Variants in RALGDS observed in about 807,000 individuals in gnomAD.
RALGDS encodes ral guanine nucleotide dissociation stimulator.
In RALGDS, 44 loss-of-function variants were observed where a neutral mutation model predicts 99.8. The ratio of observed to expected loss-of-function variants is 0.44; its 90% CI spans 0.35 to 0.57. RALGDS has a LOEUF of 0.57. Among genes scored for constraint, RALGDS ranks in the 20% least tolerant of loss-of-function variants. RALGDS has a pLI of 0.01. For missense variants in RALGDS, 1,022 were observed against 1,203.1 expected (o/e 0.85, Z 2.23); for synonymous variants, 529 against 505.0 (o/e 1.05, Z -0.64).
At chr9:133,127,366 G>A (rs1163704998) in intron 1 of RALGDS, among the ~76,000 whole-genome samples, 2 of 152,276 alleles carry the variant, frequency 1.3e-5, no homozygotes, top group African/African-American at 4.8e-5. Flanking sequence ...CGGGAGGAAT[G>A]GCAGCCAGGT....
intron 2 of RALGDS, 142 bp from the exon 3 acceptor site, chr9:133,110,631 AAGT>A (rs1457908931): frequency 6.3e-6 from 5 of 790,536 alleles, no homozygotes; most frequent in Non-Finnish European, 8.5e-6. Context: ...TCAGCTTTAA[AAGT>A]AGAATTTCAG....
In RALGDS at chr9:133,102,559, C is replaced by G. The variant is rs540478696; in HGVS notation, c.1926G>C (p.Ser642=). Residue 642 remains serine, a synonymous_variant, in exon 14 of 18, where the codon TCG becomes TCC. Transcript: ENST00000372050. ...RLSETESYNL[S]CELEPPSESA... ...ACTCGGATGGGGGCTCCAGCTCGCA[C>G]GACAGGTTGTAGCTATGAGCAGAGG... 1.2e-6 allele frequency: 2 copies of G among 1,614,034 alleles called. No individual in the cohort carries two copies. The highest frequency in any genetic ancestry group is 3.3e-5 in the Admixed American group (2 of 60,032).
chr9:133,106,064 G>A (rs1483051285), intron 8 of RALGDS, 48 bp from the exon 9 acceptor site: 1 of 1,452,226 alleles, frequency 6.9e-7, no homozygotes, highest in Admixed American at 1.7e-5. Flanking sequence ...ATGGTAGGGA[G>A]GGGTGTGAGT....
intron 1 of RALGDS, among the ~76,000 whole-genome samples, chr9:133,139,368 T>C (rs1044838041): frequency 6.6e-6 from 1 of 151,966 alleles, no homozygotes; most frequent in Admixed American, 6.5e-5. Context: ...CCTCATGGAG[T>C]CCTGAAGAAC....
chr9:133,135,233 G>A (rs376672957), upstream of RALGDS, among the ~76,000 whole-genome samples: 4 of 152,318 alleles, frequency 2.6e-5, no homozygotes, highest in South Asian at 6.2e-4. Context: ...CACCTGCCAA[G>A]GCATGTGGAA....
At position 133,098,268 on chromosome 9, in the gene RALGDS, G is replaced by T; in HGVS notation, c.*319C>A. On this transcript the variant is annotated 3_prime_UTR_variant, in exon 18 of 18. Coordinates refer to ENST00000372050, the MANE Select transcript of RALGDS (RefSeq NM_006266.4). ...GGCAGTGACCCACACCTGGGAAGGT[G>T]TCAGGGAAGTGTACAGAGGTGGCGC... 2.2e-6 allele frequency: 1 copy of T among 451,980 alleles called. No individual in the cohort carries two copies. The highest frequency in any genetic ancestry group is 4.1e-6 in the Non-Finnish European group (1 of 242,598). The allele number at this position is 451,980 out of a possible 1,614,324, so 28.0% of individuals were successfully genotyped here. A position where few individuals can be genotyped will look rare whatever the true frequency, so the allele number is the denominator to read the frequency against.
intron 10 of RALGDS, 34 bp from the exon 11 acceptor site, chr9:133,103,867 C>T (rs1830881625): frequency 1.9e-6 from 3 of 1,593,716 alleles, no homozygotes; most frequent in African/African-American, 2.7e-5. Context: ...GAGCAAGGCC[C>T]CTCCCCTGAA....
chr9:133,106,155 C>A, intron 8 of RALGDS, 139 bp from the exon 9 acceptor site: 1 of 699,404 alleles, frequency 1.4e-6, no homozygotes, highest in South Asian at 1.5e-5. Flanking sequence ...CACTAACGCT[C>A]TGCAGGTCTG....
intron 15 of RALGDS, 48 bp downstream of exon 15, chr9:133,101,890 G>C (rs374323909): frequency 4.5e-6 from 7 of 1,550,834 alleles, no homozygotes; most frequent in Non-Finnish European, 6.1e-6. Flanking sequence ...GCATGGATTT[G>C]GAGTGGGGAG....
intron 16 of RALGDS, 146 bp downstream of exon 16, chr9:133,101,374 A>G (rs768775800): frequency 6.5e-7 from 1 of 1,541,486 alleles, no homozygotes; most frequent in Non-Finnish European, 8.8e-7. Flanking sequence ...CCTGATCACT[A>G]CCTTCTTCAT....
At chr9:133,136,223 G>A (rs988633220) in intron 1 of RALGDS, among the ~76,000 whole-genome samples, 1 of 152,250 alleles carries the variant, frequency 6.6e-6, no homozygotes, top group Non-Finnish European at 1.5e-5. Flanking sequence ...TGCTCCAGAA[G>A]GCAAAAACAG....
Position 133,098,751 on chromosome 9 carries a change from G to C in RALGDS, c.2581C>G (p.Pro861Ala). The C allele has an allele frequency of 6.2e-7, 1 of 1,613,888 alleles. No homozygotes were observed. The highest frequency in any genetic ancestry group is 2.2e-5 in the East Asian group (1 of 44,876). Residue 861 changes from proline (P) to alanine (A), a missense_variant, in exon 18 of 18, where the codon CCT becomes GCT. Around this residue, in one of 3 missense-constraint regions of RALGDS, gnomAD observed 825 missense variants for 994.5 expected, o/e 0.83. Coordinates refer to ENST00000372050, the MANE Select transcript of RALGDS (RefSeq NM_006266.4). ...ILSDDRKLKI[P>A]ENANVFYAMN... ...GCATAGAAGACGTTGGCGTTTTCAG[G>C]GATCTTCAGCTCTGGTGGGGAGGGG...
chr9:133,140,583 G>GC (rs1213361370), intron 1 of RALGDS, among the ~76,000 whole-genome samples: 4 of 151,928 alleles, frequency 2.6e-5, no homozygotes, highest in East Asian at 1.9e-4. Flanking sequence ...GTGGGTCCCG[G>GC]CCCCCCTTAT....
At chr9:133,104,237 C>T (rs1218307249) in intron 10 of RALGDS, 26 bp downstream of exon 10, 2 of 1,601,600 alleles carry the variant, frequency 1.2e-6, no homozygotes, top group South Asian at 2.2e-5. Flanking sequence ...AGCCCCCTGC[C>T]CCTCCGCGGC....
intron 2 of RALGDS, 129 bp downstream of exon 2, chr9:133,111,913 T>G (rs1831361477): frequency 4.1e-6 from 3 of 737,074 alleles, no homozygotes; most frequent in Non-Finnish European, 7.2e-6. Flanking sequence ...AAGCCTGGGC[T>G]GGACAGTGGG....
Position 133,144,760 on chromosome 9 carries a change from G to C in RALGDS, c.18+4203C>G, listed in dbSNP as rs1832596675. Among the ~76,000 whole-genome samples the C allele has an allele frequency of 6.6e-6, 1 of 152,234 alleles. No homozygotes were observed. The highest frequency in any genetic ancestry group is 2.1e-4 in the South Asian group (1 of 4,838). ...ACGCGGGTACCCGGCCTTTGGGAGG[G>C]GGATCATTCCCAATACTCCTGTTAC... On this transcript the variant is annotated intron_variant, in intron 1 of 17. Transcript: ENST00000393160. The surrounding 1 kb of genome is among the most constrained non-coding windows in gnomAD (Gnocchi z 4.5).
chr9:133,101,341 T>A, intron 16 of RALGDS, 179 bp downstream of exon 16: 4 of 1,480,534 alleles, frequency 2.7e-6, no homozygotes, highest in Non-Finnish European at 2.8e-6. Flanking sequence ...TTCCTCCCCC[T>A]CTGCCCTCAG....
chr9:133,103,958 T>C, intron 10 of RALGDS, 125 bp from the exon 11 acceptor site: 1 of 943,444 alleles, frequency 1.1e-6, no homozygotes, highest in Non-Finnish European at 1.7e-6. Flanking sequence ...GCCCACTGTC[T>C]CCCTGGACCC....
upstream of RALGDS, among the ~76,000 whole-genome samples, chr9:133,122,694 A>G (rs1216995843): frequency 6.6e-6 from 1 of 152,244 alleles, no homozygotes; most frequent in Non-Finnish European, 1.5e-5. Context: ...TCAGTATTTT[A>G]ATAATCAGCT....
Sources: allele counts gnomAD v4.1 joint callset (sites outside exome capture counted in the v4.1 genomes callset), GRCh38; gene constraint gnomAD v4.1.1; regional missense constraint gnomAD v4.1.1; non-coding constraint Gnocchi (gnomAD v3.1); transcripts MANE v1.5; gene names NCBI Gene and HGNC (gene_info 2026-07-23, HGNC 2026-07-21).